The following ABCC4 variants were observed in gnomAD, a reference collection of about 807,000 sequenced individuals.
The protein encoded by ABCC4 is ATP-binding cassette sub-family C member 4.
In ABCC4, 102 loss-of-function variants were observed where a neutral mutation model predicts 168.5. The ratio of observed to expected loss-of-function variants is 0.61; its 90% CI spans 0.52 to 0.71. ABCC4 has a LOEUF of 0.71. Ranked by LOEUF, ABCC4 falls within the 30% of genes least tolerant of loss-of-function variation. The pLI, the probability that ABCC4 is intolerant of heterozygous loss-of-function variation, is 0.00. For missense variants in ABCC4, 1,402 were observed against 1,605.8 expected, an observed-to-expected ratio of 0.87 and a Z score of 2.17; for synonymous variants, 617 against 590.7, an observed-to-expected ratio of 1.04 and a Z score of -0.65.
intron 26 of ABCC4, among the ~76,000 whole-genome samples, chr13:95,058,730 T>C (rs1292743109): frequency 2.0e-5 from 3 of 152,168 alleles, no homozygotes; most frequent in Non-Finnish European, 4.4e-5. Context: ...TAGCTGTTCA[T>C]CTCCAGGTAA....
At chr13:95,163,728 A>G (rs1372686843) in intron 16 of ABCC4, 81 bp from the exon 17 acceptor site, 1 of 1,232,032 alleles carries the variant, frequency 8.1e-7, no homozygotes, top group African/African-American at 1.5e-5. Context: ...GCTAACATGG[A>G]CAACCGAAAG....
chr13:95,114,557 TA>T (rs920488350), intron 20 of ABCC4, among the ~76,000 whole-genome samples: 1 of 151,976 alleles, frequency 6.6e-6, no homozygotes, highest in African/African-American at 2.4e-5. Context: ...GGGCACATTT[TA>T]AAAATGTTTG....
At chr13:95,107,802 A>G (rs2035059491) in intron 20 of ABCC4, among the ~76,000 whole-genome samples, 1 of 152,174 alleles carries the variant, frequency 6.6e-6, no homozygotes. Context: ...CAGGCGTGGT[A>G]GTACACACCT....
chr13:95,041,805 C>T (rs775219687), intron 29 of ABCC4, among the ~76,000 whole-genome samples: 5 of 152,190 alleles, frequency 3.3e-5, no homozygotes, highest in Non-Finnish European at 7.3e-5. Flanking sequence ...ACAGGAGATG[C>T]TTTCAGCTAG....
chr13:95,186,143 G>GA (rs2038050511), intron 11 of ABCC4, among the ~76,000 whole-genome samples: 1 of 151,032 alleles, frequency 6.6e-6, no homozygotes, highest in Admixed American at 6.6e-5. Flanking sequence ...ATGATAGCAA[G>GA]AAATTCTGGT....
At chr13:95,173,093 C>T (rs964880524) in intron 13 of ABCC4, among the ~76,000 whole-genome samples, 5 of 145,180 alleles carry the variant, frequency 3.4e-5, no homozygotes, top group Admixed American at 3.4e-4. Context: ...TGTAGGGACA[C>T]TCACTACACA....
At chr13:95,161,571 C>A (rs1440229544) in intron 18 of ABCC4, among the ~76,000 whole-genome samples, 1 of 152,164 alleles carries the variant, frequency 6.6e-6, no homozygotes, top group Admixed American at 6.5e-5. Flanking sequence ...GTGTATAATA[C>A]AATTTCATTC....
intron 4 of ABCC4, among the ~76,000 whole-genome samples, chr13:95,215,220 C>A (rs908899602): frequency 6.6e-6 from 1 of 151,806 alleles, no homozygotes; most frequent in African/African-American, 2.4e-5. Context: ...CAGGAGTTCG[C>A]GACCAGCCTG....
At chr13:95,102,658 C>T (rs947959322) in intron 20 of ABCC4, among the ~76,000 whole-genome samples, 8 of 147,576 alleles carry the variant, frequency 5.4e-5, no homozygotes, top group African/African-American at 1.7e-4. Flanking sequence ...GATCGAGTCT[C>T]GCCCTGTCTG....
chr13:95,084,665 T>C (rs1242800834), intron 20 of ABCC4, among the ~76,000 whole-genome samples: 1 of 152,114 alleles, frequency 6.6e-6, no homozygotes, highest in African/African-American at 2.4e-5. Context: ...AACACTTGGA[T>C]ATGCATTAAA....
At chr13:95,219,320 G>T (rs2039246011) in intron 4 of ABCC4, among the ~76,000 whole-genome samples, 1 of 152,144 alleles carries the variant, frequency 6.6e-6, no homozygotes. Flanking sequence ...AAGACATACT[G>T]GCAGGGCAAC....
rs550054862 is a variant in ABCC4 at position 95,185,322 on chromosome 13, T to C, written c.1545+1379A>G. 1.9e-4 allele frequency among the ~76,000 whole-genome samples: 29 copies of C among 152,356 alleles called. No homozygotes were observed. In the South Asian group the frequency reaches 5.2e-3, roughly 27 times the overall value. On this transcript the variant is annotated intron_variant, in intron 11 of 30. Coordinates refer to ENST00000645237, the MANE Select transcript of ABCC4 (RefSeq NM_005845.5). ...TTGCCTTAGCGCATCTTTTCCTATA[T>C]AGTGTATACTATTCAATAAAAATCT...
At chr13:95,024,152 A>C (rs1299661456) in intron 30 of ABCC4, among the ~76,000 whole-genome samples, 1 of 149,438 alleles carries the variant, frequency 6.7e-6, no homozygotes, top group Non-Finnish European at 1.5e-5. Context: ...GATTGCAGTG[A>C]GCCGAGACTG....
intron 1 of ABCC4, among the ~76,000 whole-genome samples, chr13:95,286,123 C>CCTTTTTTTTTTTTT (rs2041249529): frequency 9.5e-6 from 1 of 105,522 alleles, no homozygotes; most frequent in Non-Finnish European, 1.9e-5. Flanking sequence ...TCCAGAAAAA[C>CCTTTTTTTTTTTTT]TTTTTTTTTT....
At chr13:95,286,362 C>T (rs569901936) in intron 1 of ABCC4, among the ~76,000 whole-genome samples, 2 of 151,998 alleles carry the variant, frequency 1.3e-5, no homozygotes, top group South Asian at 2.1e-4. Context: ...TCAGGTGATC[C>T]GCCTGCCTCG....
intron 3 of ABCC4, among the ~76,000 whole-genome samples, chr13:95,242,518 G>A (rs573279804): frequency 2.0e-5 from 3 of 151,724 alleles, no homozygotes; most frequent in Non-Finnish European, 2.9e-5. Context: ...GAGCCACTGC[G>A]CCTGGCCTAA....
intron 28 of ABCC4, 104 bp from the exon 29 acceptor site, chr13:95,043,891 A>G (rs1357707077): frequency 1.1e-5 from 8 of 718,062 alleles, no homozygotes; most frequent in South Asian, 4.2e-5. Context: ...AAAAGATCAT[A>G]TCTATTTAAT....
intron 19 of ABCC4, among the ~76,000 whole-genome samples, chr13:95,156,295 C>T (rs1027757903): frequency 1.3e-5 from 2 of 152,118 alleles, no homozygotes; most frequent in Non-Finnish European, 2.9e-5. Flanking sequence ...GATACAAAGA[C>T]CCAAGCTATA....
Position 95,098,239 on chromosome 13 carries a change from G to GCT in ABCC4, c.2536-14950_2536-14949insAG, listed in dbSNP as rs2034678730. On this transcript the variant is annotated intron_variant, in intron 20 of 30. Transcript: ENST00000645237. ...TGCAGCTAAGCAATACTTAGAGGAA[G>GCT]TATAACTTTAAATGCATATATTATG... 2.0e-5 allele frequency among the ~76,000 whole-genome samples: 3 copies of GCT among 151,284 alleles called. No individual in the cohort carries two copies. In the East Asian group the frequency reaches 5.8e-4, roughly 29 times the overall value.
Sources: allele counts gnomAD v4.1 joint callset (sites outside exome capture counted in the v4.1 genomes callset), GRCh38; gene constraint gnomAD v4.1.1; transcripts MANE v1.5; gene names NCBI Gene and HGNC (gene_info 2026-07-23, HGNC 2026-07-21).